The following DPF1 variants were observed in gnomAD, a reference collection of about 807,000 sequenced individuals.
DPF1 encodes the protein double PHD fingers 1, also known as zinc finger protein neuro-d4.
A neutral mutation model predicts 58.7 loss-of-function variants in DPF1; 14 were observed. The ratio of observed to expected loss-of-function variants is 0.24; its 90% CI spans 0.16 to 0.37. DPF1 has a LOEUF of 0.37. Among genes scored for constraint, DPF1 ranks in the 10% least tolerant of loss-of-function variants. The pLI is 1.00. For synonymous variants in DPF1, 216 were observed against 216.0 expected (o/e 1.00, Z 0.00); for missense variants, 345 against 529.9 (o/e 0.65, Z 3.43).
rs1280487903 is a variant in DPF1 at position 38,217,480 on chromosome 19, T to C, written c.707A>G (p.His236Arg). The C allele has an allele frequency of 6.7e-7, 1 of 1,482,756 alleles. No homozygotes were observed. The highest frequency in any genetic ancestry group is 9.0e-7 in the Non-Finnish European group (1 of 1,105,196). The allele number at this position is 1,482,756 out of a possible 1,614,324, so 91.8% of individuals were successfully genotyped here. A position where few individuals can be genotyped will look rare whatever the true frequency, so the allele number is the denominator to read the frequency against. ...ENAERHALPF[H>R]RKNNHKQFYK... is the part of the protein sequence containing the mutation. ...CTCACGTTTATGGTTGTTTTTCCGG[T>C]GGAAGGGCAGGGCGTGGCGTTCGGC... Residue 236 changes from histidine (H) to arginine (R), a missense_variant, in exon 7 of 12, where the codon CAC (histidine) becomes CGC (arginine). Coordinates refer to ENST00000355526, the MANE Select transcript of DPF1 (RefSeq NM_001135155.3).
At chr19:38,223,002 A>G (rs1967621391) in intron 1 of DPF1, 2 of 410,204 alleles carry the variant, frequency 4.9e-6, no homozygotes, top group Middle Eastern at 1.2e-3. Context: ...CAGACACACA[A>G]CACAAATCAC....
intron 3 of DPF1, among the ~76,000 whole-genome samples, chr19:38,221,472 G>A (rs546746578): frequency 3.3e-5 from 5 of 151,862 alleles, no homozygotes; most frequent in South Asian, 4.2e-4. Flanking sequence ...CCCACTAGGC[G>A]GAGGTTGCAG....
chr19:38,225,299 G>A (rs1967768366), upstream of DPF1, among the ~76,000 whole-genome samples: 1 of 151,974 alleles, frequency 6.6e-6, no homozygotes, highest in African/African-American at 2.4e-5. Flanking sequence ...AGGTGCGATG[G>A]CTCCAGTCTG....
chr19:38,214,079 C>G (rs1689358381), intron 9 of DPF1: 3 of 278,226 alleles, frequency 1.1e-5, no homozygotes, highest in African/African-American at 2.1e-5. Flanking sequence ...TTCTGTTAAC[C>G]ACCGTGCTGA....
upstream of DPF1, among the ~76,000 whole-genome samples, chr19:38,226,966 C>CTTTCTTTTCT (rs1296822434): frequency 1.4e-5 from 2 of 143,344 alleles, no homozygotes; most frequent in Non-Finnish European, 3.0e-5. Context: ...TTCTATTTTT[C>CTTTCTTTTCT]TTTCTTTTCT....
At chr19:38,216,575 A>G (rs1967037572) in intron 7 of DPF1, 172 bp from the exon 8 acceptor site, 2 of 675,830 alleles carry the variant, frequency 3.0e-6, no homozygotes, top group African/African-American at 1.9e-5. Flanking sequence ...GGGACTCCCA[A>G]CTCTGCCTTT....
chr19:38,214,987 C>A (rs1194198682), intron 9 of DPF1, among the ~76,000 whole-genome samples: 2 of 150,468 alleles, frequency 1.3e-5, no homozygotes, highest in African/African-American at 2.5e-5. Context: ...AGGCACGCAC[C>A]ACCACACCCA....
chr19:38,218,126 C>T (rs1287634634), intron 5 of DPF1, among the ~76,000 whole-genome samples: 1 of 152,058 alleles, frequency 6.6e-6, no homozygotes, highest in Admixed American at 6.5e-5. Flanking sequence ...CGCTTGAACC[C>T]GGGAGGCGGA....
At chr19:38,227,967 G>C (rs1172952471), upstream of DPF1, 2 of 152,400 alleles carry the variant, frequency 1.3e-5, no homozygotes, top group Non-Finnish European at 2.9e-5. Context: ...CCCTGCTCAC[G>C]GCTGTAGCAC....
chr19:38,214,811 G>A (rs1484393448), intron 9 of DPF1, among the ~76,000 whole-genome samples: 1 of 151,326 alleles, frequency 6.6e-6, no homozygotes, highest in Non-Finnish European at 1.5e-5. Flanking sequence ...GGACTAATGG[G>A]GTGCGAAACT....
chr19:38,219,013 G>C lies in DPF1; in HGVS notation c.344C>G (p.Pro115Arg). The stretch of plus-strand genomic sequence containing the variant: ...TGCACACAGTAGAGCCTCGAGGACC[G>C]GCCCTTCCGGGAGGCCACCCTCCTT... ...LKKEGGLPEG[P>R]VLEALLCAET... Residue 115 changes from proline to arginine, a missense_variant, in exon 4 of 12, where the codon CCG becomes CGG. Pro to Arg is a moderately radical substitution (Grantham distance 103). Transcript: ENST00000355526. The C allele has an allele frequency of 6.2e-7, 1 of 1,614,086 alleles. No individual in the cohort carries two copies. Among genetic ancestry groups the C allele is most frequent in the Non-Finnish European group, 8.5e-7 (1 of 1,180,008 alleles).
upstream of DPF1, among the ~76,000 whole-genome samples, chr19:38,227,081 T>G (rs1460370422): frequency 6.6e-6 from 1 of 151,254 alleles, no homozygotes; most frequent in Non-Finnish European, 1.5e-5. Flanking sequence ...CTTTCTCTTT[T>G]TCTCTTTTTT....
rs1967601272 is a variant in DPF1 at position 38,222,793 on chromosome 19, C to A, written c.30-85G>T. 2 of 1,421,480 alleles carry A rather than the reference C, an allele frequency of 1.4e-6. No homozygotes were observed. The highest frequency in any genetic ancestry group is 2.8e-5 in the East Asian group (1 of 35,268). The allele number at this position is 1,421,480 out of a possible 1,614,324, so 88.1% of individuals were successfully genotyped here. ...AGCACCCCTTCCCCGGCTGCCGGGC[C>A]GCCCAGGCTCGGGAGGGGTGGGCCG... On this transcript the variant is annotated intron_variant, in intron 1 of 11. Transcript: ENST00000355526. The surrounding 1 kb of genome is among the most constrained non-coding windows in gnomAD (Gnocchi z 4.9).
At chr19:38,218,380 G>C (rs1393185778) in intron 5 of DPF1, among the ~76,000 whole-genome samples, 193 bp downstream of exon 5, 2 of 152,132 alleles carry the variant, frequency 1.3e-5, no homozygotes, top group African/African-American at 2.4e-5. Flanking sequence ...TTTGCAAATG[G>C]CTTAATACAG....
chr19:38,217,306 C>T, intron 7 of DPF1, 154 bp downstream of exon 7: 5 of 1,055,916 alleles, frequency 4.7e-6, no homozygotes, highest in Non-Finnish European at 6.7e-6. Flanking sequence ...ATGGCAACCC[C>T]GGAGCCAGCA....
Position 38,217,603 on chromosome 19 carries a change from G to C in DPF1, c.596-12C>G, listed in dbSNP as rs1201763731. On this transcript the variant is annotated splice_polypyrimidine_tract_variant and intron_variant, in intron 6 of 11. Transcript: ENST00000355526. ...CCGTTTCCCACAGACTGGGGAGCGA[G>C]CGAGCCAGGAGGGCCTGTCAGCCCC... 1 of 1,543,724 alleles carries C rather than the reference G, an allele frequency of 6.5e-7. No individual in the cohort carries two copies. The highest frequency in any genetic ancestry group is 2.5e-5 in the East Asian group (1 of 40,792).
intron 9 of DPF1, 44 bp from the exon 10 acceptor site, chr19:38,213,800 C>T (rs757448745): frequency 6.5e-6 from 10 of 1,545,938 alleles, no homozygotes; most frequent in Admixed American, 3.4e-5. Flanking sequence ...GTCACCGTGC[C>T]CCTGGTGGGC....
At chr19:38,213,347 C>G (rs757219681) in intron 10 of DPF1, among the ~76,000 whole-genome samples, 2 of 152,234 alleles carry the variant, frequency 1.3e-5, no homozygotes, top group Non-Finnish European at 2.9e-5. Flanking sequence ...CTTTAAATCT[C>G]AGCTCTGCCA....
At chr19:38,223,713 A>G (rs576367686) in intron 1 of DPF1, 12 of 165,274 alleles carry the variant, frequency 7.3e-5, no homozygotes, top group Admixed American at 5.8e-4. Context: ...CCTATCCCCC[A>G]AAAATTCTTA....
Sources: gnomAD v4.1 joint callset for allele counts (sites outside exome capture counted in the v4.1 genomes callset) on GRCh38, gnomAD v4.1.1 for gene constraint, Gnocchi (gnomAD v3.1) non-coding constraint, MANE v1.5 for transcripts, NCBI Gene and HGNC (gene_info 2026-07-23, HGNC 2026-07-21) for gene names.